The following HCN1 variants were observed in gnomAD, a reference collection of about 807,000 sequenced individuals.
HCN1 encodes hyperpolarization activated cyclic nucleotide gated potassium channel 1, also known as potassium/sodium hyperpolarization-activated cyclic nucleotide-gated channel 1.
Under a neutral mutation model 78.9 loss-of-function variants are expected in HCN1, and 13 were observed. The observed-to-expected ratio is 0.16, with a 90% CI of 0.11 to 0.26. The LOEUF (loss-of-function observed/expected upper bound fraction) is 0.26, where lower values mean the gene tolerates loss of function less well. Among genes scored for constraint, HCN1 ranks in the 10% least tolerant of loss-of-function variants. The pLI is 1.00. For synonymous variants in HCN1, 552 were observed against 455.5 expected, an observed-to-expected ratio of 1.21 and a Z score of -2.70; for missense variants, 810 against 1,154.3, an observed-to-expected ratio of 0.70 and a Z score of 4.32.
intron 5 of HCN1, among the ~76,000 whole-genome samples, chr5:45,318,806 A>G (rs1223106808): frequency 6.6e-6 from 1 of 151,934 alleles, no homozygotes; most frequent in African/African-American, 2.4e-5. Flanking sequence ...CCGTATAACC[A>G]GCCGGATTCA....
At chr5:45,565,218 T>C (rs1038241295) in intron 2 of HCN1, among the ~76,000 whole-genome samples, 4 of 152,166 alleles carry the variant, frequency 2.6e-5, no homozygotes, top group African/African-American at 9.7e-5. Flanking sequence ...TTTAAGGGAA[T>C]GATATTAAAT....
In HCN1 at chr5:45,257,529, A is replaced by C. The variant is rs1744641845; in HGVS notation, c.*4392T>G. On this transcript the variant is annotated 3_prime_UTR_variant, in exon 8 of 8. Transcript: ENST00000303230. ...ATAATTTTCAAGGTGGGATGCGGGGAGTGTCAGCAAGGCTTCTCTCATTAA... is the reference window on the plus strand; with the variant it reads ...ATAATTTTCAAGGTGGGATGCGGGGCGTGTCAGCAAGGCTTCTCTCATTAA... The C allele has an allele frequency of 6.6e-6, 1 of 152,102 alleles. No individual in the cohort carries two copies. The highest frequency in any genetic ancestry group is 2.4e-5 in the African/African-American group (1 of 41,412). The allele number at this position is 152,102 out of a possible 1,614,324, so 9.4% of individuals were successfully genotyped here. A position where few individuals can be genotyped will look rare whatever the true frequency, so the allele number is the denominator to read the frequency against.
chr5:45,516,093 C>T (rs923725676), intron 2 of HCN1, among the ~76,000 whole-genome samples: 9 of 151,904 alleles, frequency 5.9e-5, no homozygotes, highest in African/African-American at 2.2e-4. Flanking sequence ...ATATCTCAAC[C>T]AGTGTTATTG....
chr5:45,262,392 C>G lies in HCN1; in HGVS notation c.2202G>C (p.Pro734=), dbSNP rs1172557328. The change falls in exon 8 of 8, where the codon CCG becomes CCC. Residue 734 remains proline, a synonymous_variant. Transcript: ENST00000303230. The part of the protein sequence containing the change: ...ASQLSLMQQQ[P]QQQVQQSQPP... ...GCTGGGACTGCTGTACCTGCTGCTG[C>G]GGCTGCTGTTGCATGAGTGACAGCT... is the stretch of plus-strand genomic sequence containing the variant. 1 of 1,611,346 alleles carries G rather than the reference C, an allele frequency of 6.2e-7. No homozygotes were observed. Among genetic ancestry groups the G allele is most frequent in the Middle Eastern group, 1.7e-4 (1 of 6,052 alleles).
chr5:45,292,134 A>G (rs1745390529), intron 6 of HCN1, among the ~76,000 whole-genome samples: 1 of 151,886 alleles, frequency 6.6e-6, no homozygotes, highest in South Asian at 2.1e-4. Context: ...ATAAATGAAC[A>G]CTCTTAGGGA....
chr5:45,550,390 G>A (rs915261147), intron 2 of HCN1, among the ~76,000 whole-genome samples: 13 of 152,060 alleles, frequency 8.5e-5, no homozygotes, highest in Non-Finnish European at 1.0e-4. Flanking sequence ...GCAAACTATC[G>A]CAAGGACAAG....
rs186779475 is a variant in HCN1 at position 45,383,562 on chromosome 5, G to A, written c.1230+12930C>T. ...CTACAAAAATTAGCCAGGCATGGTGGCACACGCCTGTAGTCCTGCTACTCG... is the reference window on the plus strand; with the variant it reads ...CTACAAAAATTAGCCAGGCATGGTGACACACGCCTGTAGTCCTGCTACTCG... On this transcript the variant is annotated intron_variant, in intron 4 of 7. Coordinates refer to ENST00000303230, the MANE Select transcript of HCN1 (RefSeq NM_021072.4). Among the ~76,000 whole-genome samples, 115 of 152,102 alleles carry A rather than the reference G, an allele frequency of 7.6e-4. 1 individual carries two copies. The highest frequency in any genetic ancestry group is 2.7e-3 in the African/African-American group (112 of 41,498).
rs528215678 is a variant in HCN1 at position 45,595,704 on chromosome 5, T to C, written c.849+49481A>G. Among the ~76,000 whole-genome samples, 28 of 152,204 alleles carry C rather than the reference T, an allele frequency of 1.8e-4. No homozygotes were observed. The South Asian group carries it at 5.4e-3, about 29-fold the overall frequency. On this transcript the variant is annotated intron_variant, in intron 2 of 7. Coordinates refer to ENST00000303230, the MANE Select transcript of HCN1 (RefSeq NM_021072.4). The stretch of plus-strand genomic sequence containing the variant: ...TGGCTCTTCCCCTTAAGGAGCTATA[T>C]GACTTTATAATTTTTATTTGACTCT...
intron 7 of HCN1, among the ~76,000 whole-genome samples, chr5:45,264,014 C>G (rs1344575673): frequency 2.0e-5 from 3 of 152,112 alleles, no homozygotes; most frequent in African/African-American, 7.2e-5. Context: ...AGGATGGTCT[C>G]CATCTCATGA....
intron 4 of HCN1, among the ~76,000 whole-genome samples, chr5:45,363,470 GT>G (rs1747166480): frequency 6.6e-6 from 1 of 151,682 alleles, no homozygotes; most frequent in Non-Finnish European, 1.5e-5. Context: ...CAAGTATAAG[GT>G]TCATTCTACA....
At chr5:45,299,718 T>TAAC (rs1350618315) in intron 6 of HCN1, among the ~76,000 whole-genome samples, 1 of 151,984 alleles carries the variant, frequency 6.6e-6, no homozygotes, top group Non-Finnish European at 1.5e-5. Flanking sequence ...TTGTGAAGCC[T>TAAC]AACAAATATT....
At chr5:45,614,627 T>C (rs576344654) in intron 2 of HCN1, among the ~76,000 whole-genome samples, 2 of 152,252 alleles carry the variant, frequency 1.3e-5, no homozygotes, top group Non-Finnish European at 2.9e-5. Flanking sequence ...ATCCAATTTG[T>C]GAACTATCCC....
At chr5:45,485,303 T>C (rs1159775254) in intron 2 of HCN1, among the ~76,000 whole-genome samples, 1 of 152,198 alleles carries the variant, frequency 6.6e-6, no homozygotes, top group Non-Finnish European at 1.5e-5. Context: ...CATATGACTA[T>C]CAACACTGTT....
chr5:45,482,730 C>T (rs1741679445), intron 2 of HCN1, among the ~76,000 whole-genome samples: 2 of 152,080 alleles, frequency 1.3e-5, no homozygotes, highest in African/African-American at 4.8e-5. Context: ...GAGCACAATA[C>T]CTATAGGTAG....
intron 2 of HCN1, among the ~76,000 whole-genome samples, chr5:45,467,275 C>T (rs1309677102): frequency 6.6e-6 from 1 of 152,104 alleles, no homozygotes; most frequent in East Asian, 1.9e-4. Flanking sequence ...ACCCCAATGT[C>T]TTAGGTTCTG....
chr5:45,645,676 T>C (rs1207788744), intron 1 of HCN1, 68 bp from the exon 2 acceptor site: 1 of 926,898 alleles, frequency 1.1e-6, no homozygotes, highest in Admixed American at 2.3e-5. Flanking sequence ...CCATGAAAAA[T>C]TATTACTGAT....
At chr5:45,548,154 T>C (rs1743267733) in intron 2 of HCN1, among the ~76,000 whole-genome samples, 1 of 151,966 alleles carries the variant, frequency 6.6e-6, no homozygotes, top group Non-Finnish European at 1.5e-5. Flanking sequence ...TAGAATTGCC[T>C]AGGTTTTATT....
intron 5 of HCN1, among the ~76,000 whole-genome samples, chr5:45,315,598 A>G (rs1362197047): frequency 6.6e-6 from 1 of 152,142 alleles, no homozygotes; most frequent in African/African-American, 2.4e-5. Flanking sequence ...GACACAAAAA[A>G]CCCTTCAGAA....
intron 1 of HCN1, among the ~76,000 whole-genome samples, chr5:45,678,459 G>A (rs1285123405): frequency 6.6e-6 from 1 of 151,806 alleles, no homozygotes. Context: ...TTTATATAGT[G>A]GTAGATTGCA....
Sources: allele counts gnomAD v4.1 joint callset (sites outside exome capture counted in the v4.1 genomes callset), GRCh38; gene constraint gnomAD v4.1.1; transcripts MANE v1.5; gene names NCBI Gene and HGNC (gene_info 2026-07-23, HGNC 2026-07-21).